Variants in IL1RAPL2 observed in about 807,000 individuals in gnomAD.
The protein encoded by IL1RAPL2 is X-linked interleukin-1 receptor accessory protein-like 2.
IL1RAPL2 carries 3 observed loss-of-function variants against 44.1 expected under a neutral mutation model. The observed-to-expected ratio is 0.07, with a 90% CI of 0.03 to 0.18. The LOEUF is 0.18. IL1RAPL2 is among the 10% of genes least tolerant of loss of function. The pLI, the probability that IL1RAPL2 is intolerant of heterozygous loss-of-function variation, is 1.00. For synonymous variants in IL1RAPL2, 181 were observed against 178.8 expected (o/e 1.01, Z -0.10); for missense variants, 391 against 496.4 (o/e 0.79, Z 2.02).
At chrX:105,693,561 G>A (rs961148373) in intron 6 of IL1RAPL2, among the ~76,000 whole-genome samples, 2 of 112,060 alleles carry the variant, frequency 1.8e-5, no homozygotes, top group African/African-American at 6.5e-5. Flanking sequence ...TGCTTGTACA[G>A]TTGGCAGAAC....
chrX:104,884,573 G>A (rs1405298127), intron 2 of IL1RAPL2, among the ~76,000 whole-genome samples: 2 of 89,071 alleles, frequency 2.2e-5, no homozygotes, highest in East Asian at 8.1e-4. Context: ...CTGAAAAAGA[G>A]GTGGCTCATT....
chrX:105,604,954 A>G (rs1331351681), intron 6 of IL1RAPL2, among the ~76,000 whole-genome samples: 5 of 110,496 alleles, frequency 4.5e-5, no homozygotes, highest in African/African-American at 1.6e-4. Context: ...AAAAAAAAAC[A>G]CTCCCTACAA....
intron 6 of IL1RAPL2, among the ~76,000 whole-genome samples, chrX:105,513,845 G>A (rs375926878): frequency 1.4e-4 from 15 of 110,776 alleles, no homozygotes; most frequent in African/African-American, 4.3e-4. Flanking sequence ...ATATTTGCCC[G>A]TGCCTATGTC....
intron 2 of IL1RAPL2, among the ~76,000 whole-genome samples, chrX:104,698,265 A>G (rs1238440455): frequency 8.9e-6 from 1 of 112,544 alleles, no homozygotes; most frequent in Non-Finnish European, 1.9e-5. Flanking sequence ...GTTTCGTCAT[A>G]TACTGCTCCT....
intron 5 of IL1RAPL2, among the ~76,000 whole-genome samples, chrX:105,380,782 G>A (rs986450068): frequency 9.0e-6 from 1 of 111,641 alleles, no homozygotes; most frequent in African/African-American, 3.2e-5. Context: ...GGTCTCCTTT[G>A]TATTGATTGG....
intron 2 of IL1RAPL2, among the ~76,000 whole-genome samples, chrX:105,148,731 C>A: frequency 9.0e-6 from 1 of 111,424 alleles, no homozygotes; most frequent in South Asian, 3.8e-4. Context: ...ATATTTGTGT[C>A]CCCCTAAAAT....
chrX:104,948,922 G>A (rs1305448166), intron 2 of IL1RAPL2, among the ~76,000 whole-genome samples: 3 of 110,176 alleles, frequency 2.7e-5, no homozygotes, highest in Non-Finnish European at 3.8e-5. Context: ...TCAGGATGAT[G>A]CTGGCCTCAT....
At chrX:105,747,768 T>G (rs941292563) in intron 8 of IL1RAPL2, among the ~76,000 whole-genome samples, 3 of 108,553 alleles carry the variant, frequency 2.8e-5, no homozygotes, top group Non-Finnish European at 5.7e-5. Flanking sequence ...GCCCCAGAAT[T>G]GATCCATCCA....
chrX:105,766,828 A>ATTTTTTTTTTTTTT, intron 10 of IL1RAPL2, 136 bp from the exon 11 acceptor site: 1 of 433,323 alleles, frequency 2.3e-6, no homozygotes, highest in Non-Finnish European at 4.0e-6. Context: ...AAGGAGGGGA[A>ATTTTTTTTTTTTTT]TGTACCATAC....
intron 3 of IL1RAPL2, among the ~76,000 whole-genome samples, chrX:105,210,085 G>A (rs2033796332): frequency 9.1e-6 from 1 of 109,795 alleles, no homozygotes; most frequent in African/African-American, 3.3e-5. Context: ...CCACCACCCT[G>A]ACCTTATAGG....
chrX:104,607,582 A>T (rs1929043685), intron 1 of IL1RAPL2, among the ~76,000 whole-genome samples: 1 of 112,265 alleles, frequency 8.9e-6, no homozygotes, highest in Admixed American at 9.5e-5. Context: ...GAATATGAAC[A>T]TACACTTCTC....
intron 2 of IL1RAPL2, among the ~76,000 whole-genome samples, chrX:105,166,101 A>G (rs943124265): frequency 4.0e-4 from 45 of 111,559 alleles, no homozygotes; most frequent in African/African-American, 8.5e-4. Flanking sequence ...GATAAAAACT[A>G]CTTGCAAGGA....
At chrX:105,071,977 A>C (rs1287513499) in intron 2 of IL1RAPL2, among the ~76,000 whole-genome samples, 4 of 112,014 alleles carry the variant, frequency 3.6e-5, no homozygotes, top group African/African-American at 6.5e-5. Context: ...TTTGGAGATG[A>C]CTTCAAAAAC....
chrX:104,874,602 C>G (rs1279189181), intron 2 of IL1RAPL2, among the ~76,000 whole-genome samples: 1 of 110,860 alleles, frequency 9.0e-6, no homozygotes, highest in South Asian at 3.8e-4. Flanking sequence ...AAGTAGAAAT[C>G]GGCAAAATTG....
At chrX:104,666,939 C>T (rs1930496290) in intron 2 of IL1RAPL2, among the ~76,000 whole-genome samples, 1 of 111,771 alleles carries the variant, frequency 8.9e-6, no homozygotes, top group African/African-American at 3.2e-5. Flanking sequence ...CTCATATTTG[C>T]TTCCATATAT....
chrX:104,749,985 A>G (rs1032486712), intron 2 of IL1RAPL2, among the ~76,000 whole-genome samples: 2 of 111,948 alleles, frequency 1.8e-5, no homozygotes, highest in Non-Finnish European at 3.8e-5. Flanking sequence ...CTGACTGACT[A>G]GGAAAAAGGC....
intron 6 of IL1RAPL2, among the ~76,000 whole-genome samples, chrX:105,540,091 G>T (rs926534615): frequency 2.7e-5 from 3 of 111,393 alleles, no homozygotes; most frequent in African/African-American, 9.8e-5. Context: ...CTGTTAGTTG[G>T]AATGTAAATT....
intron 6 of IL1RAPL2, among the ~76,000 whole-genome samples, chrX:105,502,786 T>A (rs1272014889): frequency 9.0e-6 from 1 of 110,715 alleles, no homozygotes; most frequent in Admixed American, 9.7e-5. Context: ...TGGGGCTAAG[T>A]AATAATTTAA....
intron 2 of IL1RAPL2, among the ~76,000 whole-genome samples, chrX:104,701,486 G>C (rs1022443387): frequency 4.5e-5 from 5 of 111,509 alleles, no homozygotes; most frequent in African/African-American, 1.6e-4. Flanking sequence ...ATCTGTTTTG[G>C]ATCCCTTTTC....
Sources: gnomAD v4.1 joint callset for allele counts (sites outside exome capture counted in the v4.1 genomes callset) on GRCh38, gnomAD v4.1.1 for gene constraint, MANE v1.5 for transcripts, NCBI Gene and HGNC (gene_info 2026-07-23, HGNC 2026-07-21) for gene names.